Variants in PTPRA observed in about 807,000 individuals in gnomAD.
PTPRA encodes the protein receptor-type tyrosine-protein phosphatase alpha.
In PTPRA, 25 loss-of-function variants were observed where a neutral mutation model predicts 104.8. The ratio of observed to expected loss-of-function variants is 0.24; its 90% CI spans 0.17 to 0.33. PTPRA has a LOEUF of 0.33. Ranked by LOEUF, PTPRA falls within the 10% of genes least tolerant of loss-of-function variation. The pLI, the probability that PTPRA is intolerant of heterozygous loss-of-function variation, is 1.00. For missense variants in PTPRA, 765 were observed against 1,015.3 expected (o/e 0.75, Z 3.35); for synonymous variants, 323 against 368.9 (o/e 0.88, Z 1.43).
chr20:3,022,244 C>T lies in PTPRA; in HGVS notation c.1328+24C>T, dbSNP rs2148434303. ...AGGTCAGTGTGGCCTGACCCTTGTA[C>T]CCCCACCCCCACATTTCGCCCCCAT... On this transcript the variant is annotated intron_variant, in intron 15 of 23. Coordinates refer to ENST00000399903, the MANE Select transcript of PTPRA (RefSeq NM_001385305.1). This position sits in a 1 kb window ranked among gnomAD's most constrained non-coding sequence, Gnocchi z 4.6. 2 of 1,610,608 alleles carry T rather than the reference C, an allele frequency of 1.2e-6. No homozygotes were observed. Among genetic ancestry groups the T allele is most frequent in the Non-Finnish European group, 1.7e-6 (2 of 1,177,572 alleles).
intron 20 of PTPRA, among the ~76,000 whole-genome samples, chr20:3,030,829 G>C (rs1486441749): frequency 6.6e-6 from 1 of 151,756 alleles, no homozygotes; most frequent in African/African-American, 2.4e-5. Flanking sequence ...GGGATTACAG[G>C]CATGCACTAC....
chr20:2,990,467 C>T (rs984083745), intron 9 of PTPRA, among the ~76,000 whole-genome samples: 3 of 152,182 alleles, frequency 2.0e-5, no homozygotes, highest in African/African-American at 7.2e-5. Context: ...CCTATAATCC[C>T]AACACTTTGA....
intron 6 of PTPRA, among the ~76,000 whole-genome samples, chr20:2,980,589 C>T (rs2062630827): frequency 6.6e-6 from 1 of 151,886 alleles, no homozygotes; most frequent in Non-Finnish European, 1.5e-5. Context: ...GTGGCTCACG[C>T]ACATAATCAT....
intron 5 of PTPRA, among the ~76,000 whole-genome samples, chr20:2,974,537 G>A (rs1192782205): frequency 1.3e-5 from 2 of 149,916 alleles, no homozygotes; most frequent in African/African-American, 4.9e-5. Flanking sequence ...AGTGATTCTC[G>A]TGCCTCAGCC....
At chr20:3,033,269 T>C (rs555381988) in intron 20 of PTPRA, among the ~76,000 whole-genome samples, 9 of 152,074 alleles carry the variant, frequency 5.9e-5, no homozygotes, top group African/African-American at 2.2e-4. Flanking sequence ...CTTAGCCATC[T>C]AAATAAATAG....
At chr20:3,024,790 C>T (rs1600274176) in intron 17 of PTPRA, among the ~76,000 whole-genome samples, 169 bp downstream of exon 17, 1 of 152,270 alleles carries the variant, frequency 6.6e-6, no homozygotes, top group African/African-American at 2.4e-5. Flanking sequence ...TCATCCTGCA[C>T]GTTGGAATCA....
chr20:2,993,273 T>A (rs1435370933), intron 9 of PTPRA, among the ~76,000 whole-genome samples: 1 of 152,166 alleles, frequency 6.6e-6, no homozygotes, highest in Non-Finnish European at 1.5e-5. Context: ...TCTTTTATGT[T>A]GGAGGAGATA....
intron 11 of PTPRA, among the ~76,000 whole-genome samples, chr20:3,014,561 T>G (rs1028935391): frequency 1.3e-5 from 2 of 152,138 alleles, no homozygotes; most frequent in Non-Finnish European, 2.9e-5. Flanking sequence ...GGAGAATCAC[T>G]TGAACCCGGG....
At chr20:2,867,211 G>C in the PTPRA span, among the ~76,000 whole-genome samples, 2 of 152,188 alleles carry the variant, frequency 1.3e-5, no homozygotes, top group African/African-American at 4.8e-5. Context: ...CTGTGAGAAG[G>C]GAGCCTGAGG....
chr20:2,988,541 A>G, intron 9 of PTPRA, 67 bp downstream of exon 9: 3 of 1,560,586 alleles, frequency 1.9e-6, no homozygotes, highest in Non-Finnish European at 2.6e-6. Context: ...GACCTTTCAG[A>G]TCTTTGGAGT....
chr20:2,978,231 A>G (rs919262262), intron 6 of PTPRA, among the ~76,000 whole-genome samples: 1 of 152,116 alleles, frequency 6.6e-6, no homozygotes, highest in Non-Finnish European at 1.5e-5. Context: ...ATTCCAGAGG[A>G]CTTAGGGGAG....
chr20:2,986,707 G>A, intron 6 of PTPRA, 58 bp from the exon 7 acceptor site: 2 of 1,466,674 alleles, frequency 1.4e-6, no homozygotes, highest in Non-Finnish European at 1.9e-6. Context: ...CTGAATGGCT[G>A]ACTTAAGCCC....
chr20:2,955,288 C>A (rs375827967), intron 3 of PTPRA, among the ~76,000 whole-genome samples: 6 of 152,146 alleles, frequency 3.9e-5, no homozygotes, highest in African/African-American at 1.4e-4. Flanking sequence ...CAATATAAAC[C>A]TATACCAAAT....
At chr20:2,893,378 A>G (rs933472315) in intron 1 of PTPRA, among the ~76,000 whole-genome samples, 1 of 152,230 alleles carries the variant, frequency 6.6e-6, no homozygotes, top group African/African-American at 2.4e-5. Context: ...CAAGAATACC[A>G]TGTGTCCCTC....
intron 12 of PTPRA, 55 bp from the exon 13 acceptor site, chr20:3,017,761 C>CA: frequency 6.7e-7 from 1 of 1,491,768 alleles, no homozygotes; most frequent in Non-Finnish European, 9.3e-7. Flanking sequence ...CCCAGCCTCC[C>CA]AGCATCTTTC....
chr20:3,009,587 G>A (rs1051525877), intron 11 of PTPRA, among the ~76,000 whole-genome samples: 2 of 152,160 alleles, frequency 1.3e-5, no homozygotes, highest in African/African-American at 4.8e-5. Flanking sequence ...TGAAGTTCCT[G>A]TATGTATGTT....
intron 20 of PTPRA, among the ~76,000 whole-genome samples, chr20:3,033,656 C>G (rs912173327): frequency 3.3e-5 from 5 of 152,150 alleles, no homozygotes; most frequent in African/African-American, 1.2e-4. Context: ...AATCCCAGCA[C>G]TTTGGGAGGC....
At chr20:3,003,946 A>C (rs1196933101) in intron 9 of PTPRA, among the ~76,000 whole-genome samples, 1 of 152,224 alleles carries the variant, frequency 6.6e-6, no homozygotes, top group African/African-American at 2.4e-5. Context: ...CATTTATTTG[A>C]ATACTTATTC....
rs2065781924 is a variant in PTPRA, at chr20:3,035,977, A to G, written c.2198+36A>G. On this transcript the variant is annotated intron_variant, in intron 22 of 23. Coordinates refer to ENST00000399903, the MANE Select transcript of PTPRA (RefSeq NM_001385305.1). This position sits in a 1 kb window ranked among gnomAD's most constrained non-coding sequence, Gnocchi z 5.8. ...CCCTTGCCCTCAGCGGGAGAGAGAAAGCGAGGAGGGGCAGATAGGGGAAGC... is the reference window on the plus strand; with the variant it reads ...CCCTTGCCCTCAGCGGGAGAGAGAAGGCGAGGAGGGGCAGATAGGGGAAGC... 3.7e-6 allele frequency: 6 copies of G among 1,611,800 alleles called. No homozygotes were observed. In the East Asian group the frequency reaches 1.3e-4, roughly 36 times the overall value.
Sources: gnomAD v4.1 joint callset for allele counts (sites outside exome capture counted in the v4.1 genomes callset) on GRCh38, gnomAD v4.1.1 for gene constraint, Gnocchi (gnomAD v3.1) non-coding constraint, MANE v1.5 for transcripts, NCBI Gene and HGNC (gene_info 2026-07-23, HGNC 2026-07-21) for gene names.